SNTG1: variants seen among roughly 807,000 people sequenced by gnomAD.
SNTG1 encodes gamma-1-syntrophin.
Under a neutral mutation model 74.7 loss-of-function variants are expected in SNTG1, and 39 were observed. That is an observed-to-expected ratio of 0.52 (90% CI 0.40 to 0.68). The LOEUF is 0.68. Among genes scored for constraint, SNTG1 ranks in the 30% least tolerant of loss-of-function variants. The probability of loss-of-function intolerance (pLI) is 0.00; values close to 1 mark genes in which losing one functional copy is unlikely to be tolerated. For missense variants in SNTG1, 685 were observed against 609.5 expected, an observed-to-expected ratio of 1.12 and a Z score of -1.30; for synonymous variants, 254 against 217.1, an observed-to-expected ratio of 1.17 and a Z score of -1.49.
At chr8:50,452,500 G>A (rs573348259) in intron 8 of SNTG1, among the ~76,000 whole-genome samples, 1 of 152,292 alleles carries the variant, frequency 6.6e-6, no homozygotes, top group East Asian at 1.9e-4. Context: ...ACCACATGCT[G>A]TTAGACGGAA....
At position 50,104,808 on chromosome 8, in the gene SNTG1, A is replaced by C. The variant is rs547246526; in HGVS notation, c.-102-67753A>C. 2.6e-5 allele frequency among the ~76,000 whole-genome samples: 4 copies of C among 151,810 alleles called. No homozygotes were observed. The South Asian group carries it at 6.2e-4, about 24-fold the overall frequency. Reference sequence around the variant, plus strand: ...AAAGAACATCTTTATTTCTGCCTTCATTTTGCTTCTGGCCATGTGTATGTC... The same window carrying C: ...AAAGAACATCTTTATTTCTGCCTTCCTTTTGCTTCTGGCCATGTGTATGTC... On this transcript the variant is annotated intron_variant, in intron 1 of 18. Transcript: ENST00000642720.
chr8:50,239,487 G>A (rs1207817966), intron 2 of SNTG1, among the ~76,000 whole-genome samples: 4 of 152,160 alleles, frequency 2.6e-5, no homozygotes, highest in Non-Finnish European at 4.4e-5. Context: ...ATCAACTCTT[G>A]TGAGAATTCA....
chr8:50,201,072 T>C (rs1056827429), intron 2 of SNTG1, among the ~76,000 whole-genome samples: 8 of 152,134 alleles, frequency 5.3e-5, no homozygotes, highest in African/African-American at 1.9e-4. Context: ...TGAGGTATAC[T>C]GATGGAATAC....
chr8:50,480,829 C>A (rs1235737223), intron 8 of SNTG1, among the ~76,000 whole-genome samples: 1 of 152,016 alleles, frequency 6.6e-6, no homozygotes, highest in Non-Finnish European at 1.5e-5. Flanking sequence ...TTAAATATTT[C>A]ATTGAAAGAA....
chr8:50,488,282 A>G (rs939390381), intron 8 of SNTG1, among the ~76,000 whole-genome samples: 3 of 152,214 alleles, frequency 2.0e-5, no homozygotes, highest in East Asian at 1.9e-4. Flanking sequence ...GGCACAGTGG[A>G]AAAAATGGAG....
chr8:50,286,637 C>T (rs571151228), intron 2 of SNTG1: 1 of 152,294 alleles, frequency 6.6e-6, no homozygotes, highest in East Asian at 1.9e-4. Flanking sequence ...TTCAACCCAA[C>T]ATTATTGTCG....
chr8:50,535,743 C>G (rs1378165446), intron 10 of SNTG1, among the ~76,000 whole-genome samples: 1 of 152,104 alleles, frequency 6.6e-6, no homozygotes, highest in East Asian at 1.9e-4. Flanking sequence ...AAGTTTAATG[C>G]CTGAGAGTAA....
intron 12 of SNTG1, among the ~76,000 whole-genome samples, chr8:50,574,169 T>C (rs978775532): frequency 2.0e-5 from 3 of 152,024 alleles, no homozygotes; most frequent in Admixed American, 2.0e-4. Flanking sequence ...TTGCAAAAAC[T>C]AAAAAAGACT....
rs71235778 is a variant in SNTG1 at position 50,069,583 on chromosome 8, A to AT, written c.-102-102939dup. ...TCTCTGGGCAGTGAGATTGGGAGGA[A>AT]TTTTTTTTTTTTTTTTTTTTTTTTT... On this transcript the variant is annotated intron_variant, in intron 1 of 18. Transcript: ENST00000642720. Among the ~76,000 whole-genome samples the AT allele has an allele frequency of 4.3e-4, 29 of 67,076 alleles. 2 individuals carry two copies. The highest frequency in any genetic ancestry group is 6.0e-4 in the Non-Finnish European group (24 of 40,218). 44.0% of individuals were successfully genotyped at this position (67,076 alleles called of 152,430 possible).
chr8:49,940,566 G>C (rs1808595304), intron 1 of SNTG1, among the ~76,000 whole-genome samples: 1 of 152,096 alleles, frequency 6.6e-6, no homozygotes, highest in Non-Finnish European at 1.5e-5. Flanking sequence ...CTTCCTCTCA[G>C]GTTTGCTCAA....
intron 13 of SNTG1, among the ~76,000 whole-genome samples, chr8:50,624,052 G>A (rs2094940792): frequency 6.6e-6 from 1 of 151,778 alleles, no homozygotes. Flanking sequence ...TCAATAAACA[G>A]GCTTTTGTGT....
At chr8:50,779,656 C>A (rs1459389374) in intron 18 of SNTG1, among the ~76,000 whole-genome samples, 2 of 148,610 alleles carry the variant, frequency 1.3e-5, no homozygotes, top group African/African-American at 2.6e-5. Flanking sequence ...CAAACAGGGG[C>A]AATTTGACTT....
In SNTG1 at chr8:50,143,174, G is replaced by A. The variant is rs189835680; in HGVS notation, c.-102-29387G>A. Among the ~76,000 whole-genome samples, 308 of 152,152 alleles carry A rather than the reference G, an allele frequency of 2.0e-3. 4 individuals are homozygous for A. Among genetic ancestry groups the A allele is most frequent in the Middle Eastern group, 3.4e-3 (1 of 294 alleles). ...TTACATTATATGGCCATGCTGTGTC[G>A]ACCTGACAGAATGTTCCATGTGGGA... On this transcript the variant is annotated intron_variant, in intron 1 of 18. Transcript: ENST00000642720.
At chr8:50,227,245 G>A (rs938423595) in intron 2 of SNTG1, among the ~76,000 whole-genome samples, 2 of 152,166 alleles carry the variant, frequency 1.3e-5, no homozygotes, top group African/African-American at 4.8e-5. Flanking sequence ...TCTCAAATTG[G>A]TGAAGGCAAA....
chr8:50,452,250 A>G (rs1005493662), intron 8 of SNTG1, among the ~76,000 whole-genome samples: 1 of 152,224 alleles, frequency 6.6e-6, no homozygotes, highest in Non-Finnish European at 1.5e-5. Flanking sequence ...TGTAAAATAT[A>G]CATATTTCAA....
chr8:50,226,691 T>C (rs2085346813), intron 2 of SNTG1, among the ~76,000 whole-genome samples: 1 of 152,116 alleles, frequency 6.6e-6, no homozygotes, highest in Admixed American at 6.5e-5. Context: ...GGTTGTCACC[T>C]TTCTGAACCA....
chr8:50,418,766 G>A (rs1057121635), intron 4 of SNTG1, among the ~76,000 whole-genome samples: 19 of 151,920 alleles, frequency 1.3e-4, no homozygotes, highest in South Asian at 4.2e-4. Context: ...CCTTCACAAC[G>A]TTTCCTATCC....
intron 8 of SNTG1, among the ~76,000 whole-genome samples, chr8:50,473,748 A>T (rs1214377470): frequency 6.6e-6 from 1 of 152,154 alleles, no homozygotes; most frequent in Non-Finnish European, 1.5e-5. Context: ...ATGGAAGGAA[A>T]TCCTTTTACA....
chr8:50,533,104 T>C (rs1435373511), intron 10 of SNTG1, among the ~76,000 whole-genome samples: 1 of 152,234 alleles, frequency 6.6e-6, no homozygotes, highest in South Asian at 2.1e-4. Flanking sequence ...TACATGAAAG[T>C]CACTTGTTTT....
Sources: gnomAD v4.1 joint callset for allele counts (sites outside exome capture counted in the v4.1 genomes callset) on GRCh38, gnomAD v4.1.1 for gene constraint, MANE v1.5 for transcripts, NCBI Gene and HGNC (gene_info 2026-07-23, HGNC 2026-07-21) for gene names.